Variants in SH3RF2 observed in about 807,000 individuals in gnomAD.
SH3RF2 encodes the protein SH3 domain containing ring finger 2.
Under a neutral mutation model 59.0 loss-of-function variants are expected in SH3RF2, and 43 were observed. The observed-to-expected ratio is 0.73, with a 90% CI of 0.57 to 0.94. The LOEUF (loss-of-function observed/expected upper bound fraction) is 0.94. SH3RF2 is among the 40% of genes least tolerant of loss of function. The probability of loss-of-function intolerance (pLI) is 0.00; values close to 1 mark genes in which losing one functional copy is unlikely to be tolerated. For missense variants in SH3RF2, 930 were observed against 940.1 expected, an observed-to-expected ratio of 0.99 and a Z score of 0.14; for synonymous variants, 391 against 391.5, an observed-to-expected ratio of 1.00 and a Z score of 0.01.
chr5:146,054,268 A>C (rs1580928049), intron 7 of SH3RF2, among the ~76,000 whole-genome samples: 1 of 152,264 alleles, frequency 6.6e-6, no homozygotes, highest in East Asian at 1.9e-4. Context: ...AGCTCAGAAA[A>C]ATGAGGTCAC....
intron 2 of SH3RF2, among the ~76,000 whole-genome samples, chr5:145,962,920 C>T (rs1429796966): frequency 2.0e-4 from 23 of 115,158 alleles, no homozygotes; most frequent in Non-Finnish European, 3.3e-4. Context: ...TTTTTAGAGA[C>T]GGAGTCTCGC....
At chr5:146,049,344 A>G in intron 7 of SH3RF2, 99 bp downstream of exon 7, 1 of 1,391,226 alleles carries the variant, frequency 7.2e-7, no homozygotes, top group African/African-American at 1.5e-5. Flanking sequence ...CTCTTTCAGA[A>G]AACAGGCCAA....
intron 5 of SH3RF2, among the ~76,000 whole-genome samples, chr5:146,041,202 T>C (rs545917560): frequency 6.6e-6 from 1 of 152,306 alleles, no homozygotes; most frequent in South Asian, 2.1e-4. Flanking sequence ...ATGGGGCCCA[T>C]GTATAAATTA....
At chr5:146,068,770 G>C (rs192245637) in intron 9 of SH3RF2, among the ~76,000 whole-genome samples, 2 of 152,172 alleles carry the variant, frequency 1.3e-5, no homozygotes, top group African/African-American at 4.8e-5. Flanking sequence ...AGAAGGCAGC[G>C]AGGTGGGATC....
chr5:146,049,382 C>T (rs965543899), intron 7 of SH3RF2, 137 bp downstream of exon 7: 29 of 973,428 alleles, frequency 3.0e-5, no homozygotes, highest in Non-Finnish European at 4.4e-5. Context: ...TATAACCCGC[C>T]TATCTCTTTT....
intron 2 of SH3RF2, among the ~76,000 whole-genome samples, chr5:145,980,912 C>T (rs773412123): frequency 3.3e-5 from 5 of 152,100 alleles, no homozygotes; most frequent in Non-Finnish European, 7.4e-5. Context: ...TCACTTCCTC[C>T]CCCTACTGGA....
intron 5 of SH3RF2, among the ~76,000 whole-genome samples, chr5:146,042,712 CA>C (rs761154033): frequency 6.6e-6 from 1 of 152,212 alleles, no homozygotes. Flanking sequence ...CTTCCTCCCT[CA>C]CTTAGCACCT....
At chr5:146,048,935 G>A (rs1762395540) in intron 6 of SH3RF2, 140 bp from the exon 7 acceptor site, 1 of 953,626 alleles carries the variant, frequency 1.0e-6, no homozygotes, top group Non-Finnish European at 1.6e-6. Context: ...GGGATTAGAG[G>A]TGAGAACCAC....
At chr5:145,965,271 C>A (rs571948254) in intron 2 of SH3RF2, among the ~76,000 whole-genome samples, 1 of 151,712 alleles carries the variant, frequency 6.6e-6, no homozygotes, top group East Asian at 1.9e-4. Flanking sequence ...TTTTTTCTCC[C>A]AGAAATGGCA....
At chr5:145,972,191 A>C (rs1051272355) in intron 2 of SH3RF2, among the ~76,000 whole-genome samples, 2 of 152,238 alleles carry the variant, frequency 1.3e-5, no homozygotes, top group Non-Finnish European at 2.9e-5. Flanking sequence ...TTAACTTAAC[A>C]GCATTAATTC....
chr5:145,966,324 G>C (rs1379070636), intron 2 of SH3RF2, among the ~76,000 whole-genome samples: 1 of 152,154 alleles, frequency 6.6e-6, no homozygotes, highest in African/African-American at 2.4e-5. Context: ...ACTAATTTGA[G>C]ATAGATTCTG....
Position 145,938,198 on chromosome 5 carries a change from G to A in SH3RF2, c.270G>A (p.Arg90=), listed in dbSNP as rs1035345931. The A allele has an allele frequency of 3.1e-6, 5 of 1,613,594 alleles. No individual in the cohort carries two copies. Among genetic ancestry groups the A allele is most frequent in the Admixed American group, 3.3e-5 (2 of 60,022 alleles). The part of the protein sequence containing the change: ...QSSGRGGSFR[R]PGTMTLQDGR... ...CCGGGAGAGGGGGCTCCTTCCGCAG[G>A]CCTGGCACGATGACCTTGCAGGATG... Residue 90 remains arginine (R), a synonymous_variant, in exon 2 of 10, where the codon AGG becomes AGA. Coordinates refer to ENST00000359120, the MANE Select transcript of SH3RF2 (RefSeq NM_152550.4).
chr5:145,959,478 AGATTCACCCCCC>A (rs1212081846), intron 2 of SH3RF2, among the ~76,000 whole-genome samples: 3 of 152,108 alleles, frequency 2.0e-5, no homozygotes, highest in Non-Finnish European at 4.4e-5. Context: ...TAGCTCTGGC[AGATTCACCCCCC>A]TCTGCCTTAA....
rs10477293 is a variant in SH3RF2, at chr5:145,980,239, G to C, written c.379-19819G>C. 9.8e-3 allele frequency among the ~76,000 whole-genome samples: 1,486 copies of C among 152,274 alleles called. 21 individuals are homozygous for C. Among genetic ancestry groups the C allele is most frequent in the African/African-American group, 0.034 (1,401 of 41,536 alleles). On this transcript the variant is annotated intron_variant, in intron 2 of 9. Coordinates refer to ENST00000359120, the MANE Select transcript of SH3RF2 (RefSeq NM_152550.4). ...AGTTGAAGCTAATTGACACCCACAC[G>C]TAACGAGGCAGTTGTAAGTTCCTCC...
intron 2 of SH3RF2, among the ~76,000 whole-genome samples, chr5:145,991,735 T>C (rs1211366128): frequency 6.6e-6 from 1 of 152,194 alleles, no homozygotes; most frequent in East Asian, 1.9e-4. Flanking sequence ...AATTTGAGCA[T>C]TTTGTGCAAT....
chr5:145,941,734 G>A (rs1274130668), intron 2 of SH3RF2, among the ~76,000 whole-genome samples: 1 of 152,074 alleles, frequency 6.6e-6, no homozygotes, highest in Non-Finnish European at 1.5e-5. Flanking sequence ...CTGCACTTTG[G>A]GTGAGTCACT....
chr5:146,043,720 G>A (rs1006584708), intron 5 of SH3RF2: 7 of 152,142 alleles, frequency 4.6e-5, no homozygotes, highest in Admixed American at 2.0e-4. Flanking sequence ...TATATAATTG[G>A]CATTATATAG....
intron 5 of SH3RF2, among the ~76,000 whole-genome samples, chr5:146,037,500 T>C (rs1269166655): frequency 6.6e-6 from 1 of 152,162 alleles, no homozygotes; most frequent in East Asian, 1.9e-4. Flanking sequence ...GGCTGGGGTT[T>C]TCCAAGGTTC....
chr5:146,000,898 A>G (rs115608496), intron 3 of SH3RF2, among the ~76,000 whole-genome samples: 1,740 of 152,344 alleles, frequency 0.011, 32 homozygotes, highest in African/African-American at 0.04. Context: ...ATTTGATAAC[A>G]TGCTATGTAA....
Sources: gnomAD v4.1 joint callset for allele counts (sites outside exome capture counted in the v4.1 genomes callset) on GRCh38, gnomAD v4.1.1 for gene constraint, MANE v1.5 for transcripts, NCBI Gene and HGNC (gene_info 2026-07-23, HGNC 2026-07-21) for gene names.